ARFGEF1: variants seen among roughly 807,000 people sequenced by gnomAD.
ARFGEF1 encodes ARF guanine nucleotide exchange factor 1, also known as brefeldin A-inhibited guanine nucleotide-exchange protein 1.
Under a neutral mutation model 231.0 loss-of-function variants are expected in ARFGEF1, and 42 were observed. That is an observed-to-expected ratio of 0.18 (90% CI 0.14 to 0.24). ARFGEF1 has a LOEUF of 0.24. Among genes scored for constraint, ARFGEF1 ranks in the 10% least tolerant of loss-of-function variants. The probability of loss-of-function intolerance (pLI) is 1.00; values close to 1 mark genes in which losing one functional copy is unlikely to be tolerated. For synonymous variants in ARFGEF1, 710 were observed against 732.3 expected (o/e 0.97, Z 0.49); for missense variants, 1,345 against 2,192.0 (o/e 0.61, Z 7.72).
intron 2 of ARFGEF1, 106 bp from the exon 3 acceptor site, chr8:67,301,486 C>T (rs570348263): frequency 2.4e-6 from 3 of 1,225,948 alleles, no homozygotes; most frequent in East Asian, 5.0e-5. Context: ...TCTTGCTAAA[C>T]CAGTCCTCTA....
chr8:67,234,155 T>C (rs1839640440), intron 22 of ARFGEF1, among the ~76,000 whole-genome samples: 3 of 152,126 alleles, frequency 2.0e-5, no homozygotes, highest in Admixed American at 2.0e-4. Flanking sequence ...AATGCAAACA[T>C]AACAGATGAT....
chr8:67,217,166 T>C (rs573781702), intron 32 of ARFGEF1, among the ~76,000 whole-genome samples: 2 of 152,068 alleles, frequency 1.3e-5, no homozygotes, highest in East Asian at 3.9e-4. Flanking sequence ...TAGCCAGGCA[T>C]GGTGGTGCAT....
chr8:67,277,163 C>A (rs1266123087), intron 8 of ARFGEF1, 119 bp downstream of exon 8: 5 of 1,044,238 alleles, frequency 4.8e-6, no homozygotes, highest in Admixed American at 5.3e-5. Context: ...CTTATTTCCC[C>A]AAACTAAATA....
intron 1 of ARFGEF1, among the ~76,000 whole-genome samples, chr8:67,326,847 T>C (rs1189086350): frequency 1.3e-5 from 2 of 152,224 alleles, no homozygotes; most frequent in Non-Finnish European, 2.9e-5. Context: ...AAGTCAGGAT[T>C]TACTGTATAA....
intron 1 of ARFGEF1, among the ~76,000 whole-genome samples, chr8:67,324,053 G>A (rs558419663): frequency 8.6e-5 from 13 of 152,036 alleles, no homozygotes; most frequent in South Asian, 8.3e-4. Context: ...CGCCCGCCTC[G>A]GCCTCCCAAA....
At chr8:67,321,089 T>C (rs1807567692) in intron 1 of ARFGEF1, among the ~76,000 whole-genome samples, 1 of 151,530 alleles carries the variant, frequency 6.6e-6, no homozygotes, top group Admixed American at 6.6e-5. Flanking sequence ...ATTTATGACA[T>C]TCTTAAAACG....
At chr8:67,202,750 C>T (rs773237024) in intron 36 of ARFGEF1, among the ~76,000 whole-genome samples, 10 of 152,070 alleles carry the variant, frequency 6.6e-5, no homozygotes, top group African/African-American at 1.4e-4. Context: ...TTTGTGTGTG[C>T]GACTTTTACA....
chr8:67,328,369 G>A (rs1807937493), intron 1 of ARFGEF1, among the ~76,000 whole-genome samples: 1 of 152,188 alleles, frequency 6.6e-6, no homozygotes, highest in South Asian at 2.1e-4. Context: ...TTGCTAGACT[G>A]AGATTTGTAA....
chr8:67,336,006 C>T (rs139330587), intron 1 of ARFGEF1, among the ~76,000 whole-genome samples: 2,461 of 152,202 alleles, frequency 0.016, 67 homozygotes, highest in African/African-American at 0.057. Context: ...GCCTCGGCCT[C>T]CCGAAGTGCT....
chr8:67,290,140 T>C (rs1476090284), intron 6 of ARFGEF1, among the ~76,000 whole-genome samples: 2 of 152,216 alleles, frequency 1.3e-5, no homozygotes, highest in Admixed American at 6.5e-5. Flanking sequence ...ATATCAGCTA[T>C]TGGGAGAAAA....
intron 22 of ARFGEF1, among the ~76,000 whole-genome samples, chr8:67,233,905 C>A (rs1839632209): frequency 6.6e-6 from 1 of 152,020 alleles, no homozygotes; most frequent in Non-Finnish European, 1.5e-5. Context: ...TCTCATCTGC[C>A]TTTGAACTAA....
chr8:67,268,729 A>G lies in ARFGEF1; in HGVS notation c.1573-1287T>C, dbSNP rs537685141. Among the ~76,000 whole-genome samples, 3 of 152,348 alleles carry G rather than the reference A, an allele frequency of 2.0e-5. No individual in the cohort carries two copies. The East Asian group carries it at 5.8e-4, about 29-fold the overall frequency. ...GTGGTAAGTAATTGCGGTAAAGAATAAAATAAAAACATTATTTTTCTTTTA... is the reference window on the plus strand; with the variant it reads ...GTGGTAAGTAATTGCGGTAAAGAATGAAATAAAAACATTATTTTTCTTTTA... On this transcript the variant is annotated intron_variant, in intron 10 of 38. Transcript: ENST00000262215.
At chr8:67,288,261 T>C (rs1805844533) in intron 6 of ARFGEF1, among the ~76,000 whole-genome samples, 196 bp from the exon 7 acceptor site, 1 of 133,350 alleles carries the variant, frequency 7.5e-6, no homozygotes, top group South Asian at 2.4e-4. Flanking sequence ...CAAATTCAAG[T>C]CAATTTCAAT....
chr8:67,251,424 GTCT>G lies in ARFGEF1; in HGVS notation c.2722_2724del (p.Arg908del). 6.2e-7 allele frequency: 1 copy of G among 1,606,958 alleles called. No homozygotes were observed. The highest frequency in any genetic ancestry group is 8.5e-7 in the Non-Finnish European group (1 of 1,176,494). On this transcript the variant is annotated inframe_deletion, in exon 19 of 39. Transcript: ENST00000262215. Reference sequence around the variant, plus strand: ...TGCTCCATTTCTAAGTTATACAGAAGTCTTCTTTGTTTTTCACTGGCTACATCT... The same window carrying G: ...TGCTCCATTTCTAAGTTATACAGAAGTCTTTGTTTTTCACTGGCTACATCT...
In ARFGEF1 at chr8:67,217,905, G is replaced by A; in HGVS notation, c.4490C>T (p.Ala1497Val). ...WCVQQDNEQL[A>V]RSGTNCLENV... ...CTCTAAACAGTTTGTACCAGATCGC[G>A]CTAACTGCTCATTGTCTAGGAAAGA... The change falls in exon 32 of 39, where the codon GCG (alanine) becomes GTG (valine). Residue 1497 changes from alanine to valine, a missense_variant. Ala to Val is a moderately conservative substitution (Grantham distance 64). This residue lies in a region of ARFGEF1 where 54 missense variants were observed against 86.5 expected (regional missense o/e 0.62). Transcript: ENST00000262215. The A allele has an allele frequency of 1.2e-6, 2 of 1,613,568 alleles. No individual in the cohort carries two copies. Among genetic ancestry groups the A allele is most frequent in the Non-Finnish European group, 1.7e-6 (2 of 1,179,778 alleles).
At chr8:67,311,580 C>A (rs574233749) in intron 1 of ARFGEF1, among the ~76,000 whole-genome samples, 42 of 145,050 alleles carry the variant, frequency 2.9e-4, no homozygotes, top group African/African-American at 1.0e-3. Flanking sequence ...GTCAGCCCCC[C>A]GCCTGGCCAG....
chr8:67,290,318 G>A (rs1016328024), intron 6 of ARFGEF1, among the ~76,000 whole-genome samples: 1 of 151,892 alleles, frequency 6.6e-6, no homozygotes, highest in Non-Finnish European at 1.5e-5. Context: ...TACCCCTAAG[G>A]TACCTCACAC....
At chr8:67,257,305 C>T (rs1840489541) in intron 17 of ARFGEF1, among the ~76,000 whole-genome samples, 5 of 152,058 alleles carry the variant, frequency 3.3e-5, no homozygotes. Context: ...GGTCTTAACT[C>T]CTGGACTCAT....
At chr8:67,259,790 G>T in intron 15 of ARFGEF1, 25 bp downstream of exon 15, 1 of 1,488,354 alleles carries the variant, frequency 6.7e-7, no homozygotes, top group Non-Finnish European at 9.2e-7. Context: ...TACAGAAAAG[G>T]TTAGAATGAA....
Sources: gnomAD v4.1 joint callset for allele counts (sites outside exome capture counted in the v4.1 genomes callset) on GRCh38, gnomAD v4.1.1 for gene constraint, gnomAD v4.1.1 regional missense constraint, MANE v1.5 for transcripts, NCBI Gene and HGNC (gene_info 2026-07-23, HGNC 2026-07-21) for gene names.